The following EYS variants were observed in gnomAD, a reference collection of about 807,000 sequenced individuals.
EYS encodes protein eyes shut homolog.
In EYS, 250 loss-of-function variants were observed where a neutral mutation model predicts 282.1. That is an observed-to-expected ratio of 0.89 (90% CI 0.80 to 0.98). EYS has a LOEUF of 0.98. Among genes scored for constraint, EYS ranks in the 50% least tolerant of loss-of-function variants. The pLI, the probability that EYS is intolerant of heterozygous loss-of-function variation, is 0.00. For synonymous variants in EYS, 1,355 were observed against 1,282.9 expected, an observed-to-expected ratio of 1.06 and a Z score of -1.20; for missense variants, 4,016 against 3,709.0, an observed-to-expected ratio of 1.08 and a Z score of -2.15.
intron 14 of EYS, among the ~76,000 whole-genome samples, chr6:64,975,722 A>G (rs1187833712): frequency 6.6e-6 from 1 of 151,808 alleles, no homozygotes; most frequent in Non-Finnish European, 1.5e-5. Context: ...TCTCCTAAAA[A>G]TCCCTTCTTT....
chr6:63,794,134 A>C (rs987426918), intron 37 of EYS, among the ~76,000 whole-genome samples: 2 of 152,208 alleles, frequency 1.3e-5, no homozygotes, highest in Non-Finnish European at 2.9e-5. Flanking sequence ...AGGGATAATA[A>C]TATCTCTTCA....
At chr6:63,960,320 A>G (rs1296925566) in intron 35 of EYS, among the ~76,000 whole-genome samples, 1 of 152,222 alleles carries the variant, frequency 6.6e-6, no homozygotes. Flanking sequence ...GAGCCTGAAG[A>G]TACGACTGAA....
chr6:64,283,662 T>A (rs1768390992), intron 30 of EYS, among the ~76,000 whole-genome samples: 2 of 152,138 alleles, frequency 1.3e-5, no homozygotes, highest in African/African-American at 2.4e-5. Flanking sequence ...TATGCTTCTG[T>A]ATTAGTCCGT....
chr6:64,311,268 G>T (rs541134085), intron 29 of EYS, among the ~76,000 whole-genome samples: 2 of 152,020 alleles, frequency 1.3e-5, no homozygotes, highest in African/African-American at 4.8e-5. Context: ...AAAAGTAATA[G>T]AAGGGAAACA....
At chr6:64,385,218 C>G (rs1240081544) in intron 29 of EYS, among the ~76,000 whole-genome samples, 8 of 152,078 alleles carry the variant, frequency 5.3e-5, no homozygotes, top group Non-Finnish European at 1.0e-4. Context: ...ATTCATCATA[C>G]GAGTTCTCTT....
intron 12 of EYS, among the ~76,000 whole-genome samples, chr6:65,072,990 T>C (rs1773944673): frequency 6.6e-6 from 1 of 151,124 alleles, no homozygotes; most frequent in Non-Finnish European, 1.5e-5. Flanking sequence ...TGAACAAACA[T>C]TATACGACAT....
intron 18 of EYS, among the ~76,000 whole-genome samples, chr6:64,892,704 A>C (rs929279265): frequency 1.3e-5 from 2 of 152,028 alleles, no homozygotes; most frequent in African/African-American, 4.8e-5. Flanking sequence ...TACTCACAAC[A>C]TGTCTTTATA....
intron 22 of EYS, among the ~76,000 whole-genome samples, chr6:64,680,555 G>T (rs542019280): frequency 6.6e-6 from 1 of 152,234 alleles, no homozygotes; most frequent in East Asian, 1.9e-4. Flanking sequence ...TATCTCACTG[G>T]AAATGGAAAG....
intron 30 of EYS, among the ~76,000 whole-genome samples, chr6:64,297,999 A>T (rs1356721447): frequency 7.1e-6 from 1 of 140,714 alleles, no homozygotes; most frequent in African/African-American, 2.6e-5. Context: ...AAAAAAAAAA[A>T]TTAGGTAGAA....
At chr6:64,386,313 T>C (rs531775098) in intron 29 of EYS, among the ~76,000 whole-genome samples, 14 of 152,332 alleles carry the variant, frequency 9.2e-5, no homozygotes, top group African/African-American at 2.6e-4. Flanking sequence ...GAAAGAGGTT[T>C]AATTGACTCA....
chr6:65,447,402 A>C (rs975833067), intron 5 of EYS, among the ~76,000 whole-genome samples: 4 of 148,086 alleles, frequency 2.7e-5, no homozygotes, highest in Admixed American at 2.0e-4. Context: ...ATATATAATT[A>C]GAATTATAAA....
chr6:65,409,985 C>T (rs1161519240), intron 5 of EYS, among the ~76,000 whole-genome samples: 1 of 151,834 alleles, frequency 6.6e-6, no homozygotes, highest in Non-Finnish European at 1.5e-5. Context: ...TTATTTTGAT[C>T]ATACAAAGAG....
intron 1 of EYS, among the ~76,000 whole-genome samples, chr6:65,696,524 T>G (rs1329477622): frequency 6.6e-6 from 1 of 152,006 alleles, no homozygotes; most frequent in Non-Finnish European, 1.5e-5. Flanking sequence ...CTATCATTAT[T>G]ACAAACCTCT....
At chr6:64,062,691 C>CAAAAAA (rs1023609648) in intron 33 of EYS, among the ~76,000 whole-genome samples, 5 of 58,926 alleles carry the variant, frequency 8.5e-5, no homozygotes, top group Non-Finnish European at 7.3e-5. Flanking sequence ...AACTCCAACT[C>CAAAAAA]AAAAAAAAAA....
At chr6:65,039,822 A>C (rs1772878545) in intron 13 of EYS, among the ~76,000 whole-genome samples, 1 of 151,708 alleles carries the variant, frequency 6.6e-6, no homozygotes, top group Non-Finnish European at 1.5e-5. Context: ...TGTAAGTGGA[A>C]TATAAATAAT....
At chr6:64,952,759 T>A (rs187811559) in intron 14 of EYS, among the ~76,000 whole-genome samples, 2 of 152,096 alleles carry the variant, frequency 1.3e-5, no homozygotes, top group African/African-American at 2.4e-5. Context: ...TATGTACATA[T>A]AAGCTGTATT....
At chr6:64,689,474 T>C (rs1770289720) in intron 22 of EYS, among the ~76,000 whole-genome samples, 2 of 150,340 alleles carry the variant, frequency 1.3e-5, no homozygotes, top group African/African-American at 4.9e-5. Flanking sequence ...AAAAAAAAAC[T>C]ACTTTAAAGT....
intron 12 of EYS, among the ~76,000 whole-genome samples, chr6:65,208,385 T>C (rs1262608375): frequency 1.3e-5 from 2 of 151,606 alleles, no homozygotes; most frequent in Admixed American, 1.3e-4. Flanking sequence ...CTATGGAAAA[T>C]AGTGTGGGGA....
chr6:65,618,705 T>C (rs12212640), intron 2 of EYS, among the ~76,000 whole-genome samples: 54,371 of 152,122 alleles, frequency 0.36, 12,127 homozygotes, highest in Non-Finnish European at 0.49. Context: ...TATAAGTCTT[T>C]AATCCATCTT....
Sources: allele counts gnomAD v4.1 joint callset (sites outside exome capture counted in the v4.1 genomes callset), GRCh38; gene constraint gnomAD v4.1.1; transcripts MANE v1.5; gene names NCBI Gene and HGNC (gene_info 2026-07-23, HGNC 2026-07-21).